Variants in AK5 observed in about 807,000 individuals in gnomAD.
AK5 encodes the protein adenylate kinase isoenzyme 5.
A neutral mutation model predicts 69.5 loss-of-function variants in AK5; 27 were observed. The observed-to-expected ratio is 0.39, with a 90% CI of 0.29 to 0.54. The LOEUF is 0.54. AK5 is among the 20% of genes least tolerant of loss of function. AK5 has a pLI of 0.71. For missense variants in AK5, 531 were observed against 700.4 expected (o/e 0.76, Z 2.73); for synonymous variants, 260 against 244.4 (o/e 1.06, Z -0.60).
chr1:77,506,216 T>TTTGGTTGG (rs60715102), intron 10 of AK5, among the ~76,000 whole-genome samples: 47,928 of 148,950 alleles, frequency 0.32, 8,318 homozygotes, highest in Middle Eastern at 0.44. Context: ...AGGATCGGTG[T>TTTGGTTGG]TTGGTTGGTT....
intron 6 of AK5, among the ~76,000 whole-genome samples, chr1:77,368,005 C>A (rs1167013210): frequency 8.4e-6 from 1 of 118,644 alleles, no homozygotes; most frequent in African/African-American, 3.1e-5. Flanking sequence ...TGATACTATT[C>A]ACAGGTAGAC....
intron 5 of AK5, among the ~76,000 whole-genome samples, chr1:77,298,650 A>AC (rs1164513263): frequency 6.6e-6 from 1 of 150,808 alleles, no homozygotes; most frequent in East Asian, 1.9e-4. Flanking sequence ...CAAAAAAAAA[A>AC]AACCACACAC....
At chr1:77,529,293 T>G (rs147151923) in intron 12 of AK5, among the ~76,000 whole-genome samples, 2 of 151,962 alleles carry the variant, frequency 1.3e-5, no homozygotes, top group African/African-American at 4.8e-5. Context: ...GATTAATTTT[T>G]ACAGTCCTAC....
rs564122281 is a variant in AK5 at position 77,514,698 on chromosome 1, G to C, written c.1148-3866G>C. Among the ~76,000 whole-genome samples, 4 of 152,316 alleles carry C rather than the reference G, an allele frequency of 2.6e-5. No homozygotes were observed. The South Asian group carries it at 8.3e-4, about 32-fold the overall frequency. The stretch of plus-strand genomic sequence containing the variant: ...GGCAGCGGCTGCTGTTCAACACACA[G>C]CTGTTGTTAATTTGAGCTGAAGATT... On this transcript the variant is annotated intron_variant, in intron 10 of 13. Coordinates refer to ENST00000354567, the MANE Select transcript of AK5 (RefSeq NM_174858.3).
chr1:77,455,732 CATT>C lies in AK5; in HGVS notation c.1060-27583_1060-27581del, dbSNP rs1653442617. On this transcript the variant is annotated intron_variant, in intron 8 of 13. Coordinates refer to ENST00000354567, the MANE Select transcript of AK5 (RefSeq NM_174858.3). The stretch of plus-strand genomic sequence containing the variant: ...CCCAATAGTCATTACCCTAGCTGCA[CATT>C]AGAATCACCGGGTGAGCTGTAAAAC... 3.3e-5 allele frequency among the ~76,000 whole-genome samples: 5 copies of C among 152,258 alleles called. No homozygotes were observed. The South Asian group carries it at 1.0e-3, about 32-fold the overall frequency.
At chr1:77,440,548 A>G (rs12037848) in intron 8 of AK5, among the ~76,000 whole-genome samples, 16,600 of 152,178 alleles carry the variant, frequency 0.11, 1,024 homozygotes, top group South Asian at 0.17. Context: ...TAGCTATTAC[A>G]TCATTAAATA....
chr1:77,452,034 T>G (rs1189310484), intron 8 of AK5, among the ~76,000 whole-genome samples: 1 of 152,242 alleles, frequency 6.6e-6, no homozygotes, highest in Non-Finnish European at 1.5e-5. Context: ...AACATATCTT[T>G]CGGTTCAGGG....
At chr1:77,348,326 C>G (rs975506437) in intron 6 of AK5, among the ~76,000 whole-genome samples, 6 of 152,036 alleles carry the variant, frequency 3.9e-5, no homozygotes, top group Non-Finnish European at 8.8e-5. Context: ...TGTTCAATTC[C>G]CACCTATGAG....
chr1:77,546,556 A>C (rs1302138474), intron 13 of AK5, among the ~76,000 whole-genome samples: 1 of 152,150 alleles, frequency 6.6e-6, no homozygotes, highest in Non-Finnish European at 1.5e-5. Flanking sequence ...CTAACATTAC[A>C]AAAATTAGAT....
At chr1:77,499,251 T>G (rs887579202) in intron 10 of AK5, among the ~76,000 whole-genome samples, 2 of 152,220 alleles carry the variant, frequency 1.3e-5, no homozygotes, top group Non-Finnish European at 2.9e-5. Context: ...GAAAACATAT[T>G]TAAACCAACC....
chr1:77,411,181 G>A, intron 7 of AK5, 110 bp downstream of exon 7: 1 of 847,372 alleles, frequency 1.2e-6, no homozygotes, highest in East Asian at 2.7e-5. Flanking sequence ...TTTGAAGGAT[G>A]ACAAAGTCTT....
chr1:77,392,371 G>C (rs1183462314), intron 6 of AK5, among the ~76,000 whole-genome samples: 2 of 152,130 alleles, frequency 1.3e-5, no homozygotes, highest in African/African-American at 4.8e-5. Flanking sequence ...GATTTGTTCT[G>C]TGCTGTATAT....
In AK5 at chr1:77,487,889, A is replaced by G. The variant is rs190010847; in HGVS notation, c.1147+1537A>G. Among the ~76,000 whole-genome samples, 64 of 152,380 alleles carry G rather than the reference A, an allele frequency of 4.2e-4. No individual in the cohort carries two copies. In the East Asian group the frequency reaches 0.012, roughly 28 times the overall value. On this transcript the variant is annotated intron_variant, in intron 10 of 13. Transcript: ENST00000354567. ...GGCAGTGAGGAGTCACAGAGCTGCCATCTTAGATGAAGAGAATAATGGATA... is the reference window on the plus strand; with the variant it reads ...GGCAGTGAGGAGTCACAGAGCTGCCGTCTTAGATGAAGAGAATAATGGATA...
chr1:77,442,186 A>T (rs555405311), intron 8 of AK5, among the ~76,000 whole-genome samples: 1 of 152,226 alleles, frequency 6.6e-6, no homozygotes, highest in Admixed American at 6.5e-5. Context: ...CAGCTTAGGG[A>T]TGTCAAGCCA....
rs569019388 is a variant in AK5 at position 77,299,047 on chromosome 1, A to G, written c.699+1100A>G. 3.3e-5 allele frequency among the ~76,000 whole-genome samples: 5 copies of G among 152,260 alleles called. No homozygotes were observed. The South Asian group carries it at 1.0e-3, about 32-fold the overall frequency. On this transcript the variant is annotated intron_variant, in intron 5 of 13. Coordinates refer to ENST00000354567, the MANE Select transcript of AK5 (RefSeq NM_174858.3). ...TGTATGGACACATGTGCACATGCTCATATACAAATGCATTCTAAATTTTTA... is the reference window on the plus strand; with the variant it reads ...TGTATGGACACATGTGCACATGCTCGTATACAAATGCATTCTAAATTTTTA...
chr1:77,541,623 T>C (rs1659277323), intron 13 of AK5, among the ~76,000 whole-genome samples: 1 of 152,190 alleles, frequency 6.6e-6, no homozygotes, highest in South Asian at 2.1e-4. Context: ...AACTTCATTA[T>C]AAGGTTAGAA....
intron 10 of AK5, among the ~76,000 whole-genome samples, chr1:77,510,284 T>A (rs1657266102): frequency 6.6e-6 from 1 of 152,172 alleles, no homozygotes; most frequent in Non-Finnish European, 1.5e-5. Flanking sequence ...GTGAGCAAAC[T>A]GTGTGTGCTA....
intron 6 of AK5, among the ~76,000 whole-genome samples, chr1:77,359,395 T>C (rs1270844808): frequency 1.3e-5 from 2 of 152,220 alleles, no homozygotes; most frequent in East Asian, 3.8e-4. Context: ...GGAAAATCCA[T>C]ATGTAGCATG....
rs528328929 is a variant in AK5 at position 77,516,921 on chromosome 1, A to C, written c.1148-1643A>C. On this transcript the variant is annotated intron_variant, in intron 10 of 13. Coordinates refer to ENST00000354567, the MANE Select transcript of AK5 (RefSeq NM_174858.3). ...CCTGTCTGTATCAAAAAATACAAAAATTAGCCAGGCATGGTGGTGCGCACC... is the reference window on the plus strand; with the variant it reads ...CCTGTCTGTATCAAAAAATACAAAACTTAGCCAGGCATGGTGGTGCGCACC... Among the ~76,000 whole-genome samples the C allele has an allele frequency of 3.0e-4, 46 of 152,196 alleles. 1 individual carries two copies. The highest frequency in any genetic ancestry group is 1.7e-3 in the Admixed American group (26 of 15,292).
Sources: allele counts gnomAD v4.1 joint callset (sites outside exome capture counted in the v4.1 genomes callset), GRCh38; gene constraint gnomAD v4.1.1; transcripts MANE v1.5; gene names NCBI Gene and HGNC (gene_info 2026-07-23, HGNC 2026-07-21).